Variants in NTN4 observed in about 807,000 individuals in gnomAD.
The protein encoded by NTN4 is netrin 4.
Under a neutral mutation model 73.6 loss-of-function variants are expected in NTN4, and 32 were observed. The observed-to-expected ratio is 0.44, with a 90% CI of 0.33 to 0.58. The LOEUF (loss-of-function observed/expected upper bound fraction) is 0.58, where lower values mean the gene tolerates loss of function less well. NTN4 is among the 20% of genes least tolerant of loss of function. The pLI, the probability that NTN4 is intolerant of heterozygous loss-of-function variation, is 0.04. For synonymous variants in NTN4, 258 were observed against 287.5 expected (o/e 0.90, Z 1.04); for missense variants, 654 against 798.3 (o/e 0.82, Z 2.18).
chr12:95,687,383 AATT>A lies in NTN4; in HGVS notation c.1181-3675_1181-3673del, dbSNP rs1178482376. Among the ~76,000 whole-genome samples, 8 of 147,708 alleles carry A rather than the reference AATT, an allele frequency of 5.4e-5. No homozygotes were observed. The East Asian group carries it at 6.0e-4, about 11-fold the overall frequency. On this transcript the variant is annotated intron_variant, in intron 5 of 9. Coordinates refer to ENST00000343702, the MANE Select transcript of NTN4 (RefSeq NM_021229.4). ...ATGTAAAAATAATTTGGTGAAAAAA[AATT>A]TTTTTTTTTGTTTTTTTGTTTTTTT... is the stretch of plus-strand genomic sequence containing the variant.
intron 5 of NTN4, among the ~76,000 whole-genome samples, chr12:95,685,311 A>C (rs117383912): frequency 6.6e-6 from 1 of 152,320 alleles, no homozygotes; most frequent in East Asian, 1.9e-4. Context: ...CCTCTGGATA[A>C]TCTTTTCTCC....
chr12:95,726,074 G>T (rs942046959), intron 3 of NTN4, among the ~76,000 whole-genome samples: 5 of 147,750 alleles, frequency 3.4e-5, no homozygotes, highest in Non-Finnish European at 6.0e-5. Flanking sequence ...TTTTGTTTGG[G>T]TTTTTTTTTT....
At chr12:95,669,800 A>G (rs144273376) in intron 8 of NTN4, among the ~76,000 whole-genome samples, 125 of 152,326 alleles carry the variant, frequency 8.2e-4, no homozygotes, top group African/African-American at 2.8e-3. Context: ...ATTTCATGTC[A>G]TGATTTCTTC....
chr12:95,722,973 C>CAAAAAAA (rs71087998), intron 3 of NTN4, among the ~76,000 whole-genome samples: 1 of 55,358 alleles, frequency 1.8e-5, no homozygotes, highest in Non-Finnish European at 3.2e-5. Flanking sequence ...GACTCTGTCT[C>CAAAAAAA]AAAAAAAAAA....
At chr12:95,692,184 C>T (rs991162201) in intron 5 of NTN4, among the ~76,000 whole-genome samples, 9 of 151,812 alleles carry the variant, frequency 5.9e-5, no homozygotes, top group East Asian at 1.9e-4. Flanking sequence ...TACAGGCACC[C>T]GCCACCACGC....
chr12:95,724,881 C>G (rs2078680485), intron 3 of NTN4, among the ~76,000 whole-genome samples: 1 of 152,074 alleles, frequency 6.6e-6, no homozygotes. Context: ...TTCCTTTGCA[C>G]TTGTCTTTTT....
In NTN4 at chr12:95,713,333, A is replaced by G. The variant is rs1592680449; in HGVS notation, c.870T>C (p.His290=). Residue 290 remains histidine, a synonymous_variant, in exon 4 of 10, where the codon CAT becomes CAC. Coordinates refer to ENST00000343702, the MANE Select transcript of NTN4 (RefSeq NM_021229.4). ...VKAPGTFHMV[H]GKCMCKHNTA... is the part of the protein sequence containing the mutation. Reference sequence around the variant, plus strand: ...TGTTGTGCTTACACATACACTTCCCATGGACCTACAAGCAACATCAAGTGA... The same window carrying G: ...TGTTGTGCTTACACATACACTTCCCGTGGACCTACAAGCAACATCAAGTGA... 1 of 1,591,274 alleles carries G rather than the reference A, an allele frequency of 6.3e-7. No individual in the cohort carries two copies. Among genetic ancestry groups the G allele is most frequent in the South Asian group, 1.1e-5 (1 of 89,034 alleles).
intron 3 of NTN4, among the ~76,000 whole-genome samples, chr12:95,724,217 A>G (rs1442943069): frequency 1.3e-5 from 2 of 152,246 alleles, no homozygotes; most frequent in African/African-American, 4.8e-5. Context: ...AAATGCAAAT[A>G]GCATTAGACT....
At chr12:95,777,230 A>G (rs928244687) in intron 2 of NTN4, among the ~76,000 whole-genome samples, 6 of 152,240 alleles carry the variant, frequency 3.9e-5, no homozygotes, top group Non-Finnish European at 8.8e-5. Context: ...AAGACCATCA[A>G]TGCTAGGAAG....
intron 2 of NTN4, among the ~76,000 whole-genome samples, chr12:95,784,862 G>A (rs1277510198): frequency 6.6e-6 from 1 of 152,114 alleles, no homozygotes; most frequent in Non-Finnish European, 1.5e-5. Context: ...TTACATAAAT[G>A]TTAGTCTCTA....
At position 95,789,540 on chromosome 12, in the gene NTN4, G is replaced by A. The variant is rs1161529242; in HGVS notation, c.55+715C>T. ...GCCTAGGGCAGCCCAAGAAAGCCAG[G>A]ATGGGAGTGGGAGGGAGAGGGCATC... On this transcript the variant is annotated intron_variant, in intron 1 of 9. Transcript: ENST00000343702. The surrounding 1 kb of genome is among the most constrained non-coding windows in gnomAD (Gnocchi z 4.0). Among the ~76,000 whole-genome samples the A allele has an allele frequency of 6.6e-6, 1 of 152,204 alleles. No individual in the cohort carries two copies. The highest frequency in any genetic ancestry group is 1.5e-5 in the Non-Finnish European group (1 of 68,022).
At position 95,683,530 on chromosome 12, in the gene NTN4, G is replaced by A. The variant is rs1420470313; in HGVS notation, c.1362C>T (p.Ser454=). The A allele has an allele frequency of 6.2e-7, 1 of 1,614,196 alleles. No individual in the cohort carries two copies. Residue 454 remains serine (S), a synonymous_variant, in exon 6 of 10, where the codon AGC becomes AGT. Transcript: ENST00000343702. ...YGCRPCDCAG[S]CDPITGDCIS... is the part of the protein sequence containing the mutation. ...TGCAGTCTCCGGTGATAGGGTCACA[G>A]CTCCCCGCACAGTCACATGGTCGAC...
At chr12:95,727,369 T>C (rs2078702942) in intron 3 of NTN4, among the ~76,000 whole-genome samples, 2 of 152,218 alleles carry the variant, frequency 1.3e-5, no homozygotes, top group Non-Finnish European at 2.9e-5. Context: ...TTTACTCCCA[T>C]TCTGTGCATT....
chr12:95,678,236 G>A lies in NTN4; in HGVS notation c.1510+4471C>T, dbSNP rs535954473. On this transcript the variant is annotated intron_variant, in intron 7 of 9. Coordinates refer to ENST00000343702, the MANE Select transcript of NTN4 (RefSeq NM_021229.4). Reference sequence around the variant, plus strand: ...GAGCATTAGGACAAATACCTAATGCGTGCAGGGCTTAAAACCTAGATGAGG... The same window carrying A: ...GAGCATTAGGACAAATACCTAATGCATGCAGGGCTTAAAACCTAGATGAGG... Among the ~76,000 whole-genome samples, 6 of 151,218 alleles carry A rather than the reference G, an allele frequency of 4.0e-5. No homozygotes were observed. In the South Asian group the frequency reaches 6.3e-4, roughly 16 times the overall value.
At chr12:95,684,781 A>G (rs1308945517) in intron 5 of NTN4, among the ~76,000 whole-genome samples, 1 of 152,176 alleles carries the variant, frequency 6.6e-6, no homozygotes, top group Non-Finnish European at 1.5e-5. Context: ...TACACTTTTC[A>G]TATATATGTA....
In NTN4 at chr12:95,713,351, T is replaced by C. The variant is rs887165999; in HGVS notation, c.865-13A>G. 1 of 1,579,914 alleles carries C rather than the reference T, an allele frequency of 6.3e-7. No individual in the cohort carries two copies. Among genetic ancestry groups the C allele is most frequent in the Middle Eastern group, 1.7e-4 (1 of 5,962 alleles). ...ACTTCCCATGGACCTACAAGCAACA[T>C]CAAGTGAGAACTATGAGCACACATG... On this transcript the variant is annotated splice_polypyrimidine_tract_variant and intron_variant, in intron 3 of 9. Transcript: ENST00000343702.
At chr12:95,765,949 A>T (rs2079018580) in intron 2 of NTN4, among the ~76,000 whole-genome samples, 1 of 152,212 alleles carries the variant, frequency 6.6e-6, no homozygotes, top group Admixed American at 6.5e-5. Context: ...AACCAACTTA[A>T]GAGCTGGCAC....
At chr12:95,774,492 G>A (rs1270447694) in intron 2 of NTN4, among the ~76,000 whole-genome samples, 3 of 152,214 alleles carry the variant, frequency 2.0e-5, no homozygotes. Flanking sequence ...AGATAGGCAT[G>A]AACAGATTTC....
chr12:95,738,759 C>T (rs139329046), intron 2 of NTN4, among the ~76,000 whole-genome samples: 98 of 152,266 alleles, frequency 6.4e-4, no homozygotes, highest in African/African-American at 2.1e-3. Context: ...AGGAAAGAAT[C>T]GACTGTGTCA....
Sources: gnomAD v4.1 joint callset for allele counts (sites outside exome capture counted in the v4.1 genomes callset) on GRCh38, gnomAD v4.1.1 for gene constraint, Gnocchi (gnomAD v3.1) non-coding constraint, MANE v1.5 for transcripts, NCBI Gene and HGNC (gene_info 2026-07-23, HGNC 2026-07-21) for gene names.